Variants in DLGAP2 observed in about 807,000 individuals in gnomAD.
The protein encoded by DLGAP2 is disks large-associated protein 2.
In DLGAP2, 26 loss-of-function variants were observed where a neutral mutation model predicts 100.3. The ratio of observed to expected loss-of-function variants is 0.26; its 90% CI spans 0.19 to 0.36. The LOEUF is 0.36. Ranked by LOEUF, DLGAP2 falls within the 10% of genes least tolerant of loss-of-function variation. DLGAP2 has a pLI of 1.00. For missense variants in DLGAP2, 1,858 were observed against 1,453.2 expected, an observed-to-expected ratio of 1.28 and a Z score of -4.53; for synonymous variants, 886 against 630.1, an observed-to-expected ratio of 1.41 and a Z score of -6.08.
intron 9 of DLGAP2, among the ~76,000 whole-genome samples, chr8:1,669,379 T>C (rs543708200): frequency 6.6e-6 from 1 of 152,356 alleles, no homozygotes; most frequent in African/African-American, 2.4e-5. Context: ...AAGTCTGTTT[T>C]AGGTGCAGTG....
chr8:1,499,574 A>G (rs530783284), intron 3 of DLGAP2, among the ~76,000 whole-genome samples: 1 of 152,348 alleles, frequency 6.6e-6, no homozygotes, highest in Admixed American at 6.5e-5. Flanking sequence ...CATTTGGCAG[A>G]TGTATTTCAT....
chr8:1,028,893 C>T (rs1801894645), intron 2 of DLGAP2, among the ~76,000 whole-genome samples: 1 of 152,142 alleles, frequency 6.6e-6, no homozygotes. Flanking sequence ...ATGTGGAGGC[C>T]TCCACTGTGA....
At chr8:1,296,713 AAAG>A (rs1403501208) in intron 3 of DLGAP2, among the ~76,000 whole-genome samples, 2 of 152,222 alleles carry the variant, frequency 1.3e-5, no homozygotes, top group Non-Finnish European at 2.9e-5. Context: ...GGAGGCACTT[AAAG>A]CGTCAAAGGC....
intron 2 of DLGAP2, among the ~76,000 whole-genome samples, chr8:997,694 C>A (rs373707146): frequency 1.3e-5 from 2 of 152,082 alleles, no homozygotes; most frequent in Non-Finnish European, 1.5e-5. Context: ...TCTTTAAAAG[C>A]CTAAGAATAA....
chr8:1,180,060 T>C (rs537189075), intron 2 of DLGAP2, among the ~76,000 whole-genome samples: 111 of 152,354 alleles, frequency 7.3e-4, no homozygotes, highest in Non-Finnish European at 3.2e-4. Context: ...GGCAAAGAAT[T>C]GTTGAATGTT....
intron 2 of DLGAP2, among the ~76,000 whole-genome samples, chr8:1,217,946 G>A (rs1015650928): frequency 3.3e-5 from 5 of 151,956 alleles, no homozygotes; most frequent in Non-Finnish European, 7.4e-5. Flanking sequence ...TTTTTAATGG[G>A]GTTGTTTTTT....
intron 4 of DLGAP2, among the ~76,000 whole-genome samples, chr8:1,533,187 T>C (rs180745594): frequency 5.3e-5 from 8 of 152,258 alleles, no homozygotes; most frequent in Non-Finnish European, 7.3e-5. Flanking sequence ...TGTTGCCTAT[T>C]TATCATTTGA....
At chr8:1,391,398 G>A (rs756824439) in intron 3 of DLGAP2, among the ~76,000 whole-genome samples, 12 of 152,204 alleles carry the variant, frequency 7.9e-5, no homozygotes, top group Non-Finnish European at 1.6e-4. Context: ...GCAGAGGCAC[G>A]CGGCTTATCC....
chr8:1,027,352 C>T (rs1361339443), intron 2 of DLGAP2, among the ~76,000 whole-genome samples: 1 of 149,036 alleles, frequency 6.7e-6, no homozygotes, highest in Non-Finnish European at 1.5e-5. Context: ...GGTGTGGTAC[C>T]AGGTGCCCGT....
At chr8:1,223,602 G>A (rs4506245) in intron 2 of DLGAP2, among the ~76,000 whole-genome samples, 64,739 of 152,080 alleles carry the variant, frequency 0.43, 15,876 homozygotes, top group East Asian at 0.73. Flanking sequence ...ATGACATTAA[G>A]AATTGTAAGT....
intron 2 of DLGAP2, among the ~76,000 whole-genome samples, chr8:1,138,653 C>T (rs549658438): frequency 1.3e-4 from 20 of 152,380 alleles, no homozygotes; most frequent in African/African-American, 4.8e-4. Context: ...ATGTTGCTGG[C>T]CTCCCTCTCA....
In DLGAP2 at chr8:1,165,286, GGGGAGAGAGACA is replaced by G. The variant is rs918755716; in HGVS notation, c.74-93554_74-93543del. Among the ~76,000 whole-genome samples the G allele has an allele frequency of 1.2e-4, 18 of 151,830 alleles. No homozygotes were observed. The East Asian group carries it at 1.6e-3, about 13-fold the overall frequency. On this transcript the variant is annotated intron_variant, in intron 2 of 14. Coordinates refer to ENST00000637795, the MANE Select transcript of DLGAP2 (RefSeq NM_001346810.2). ...GAAGAAGGGAGACAGAGACAGAGAT[GGGGAGAGAGACA>G]GGGAGAGAGAGAGAGAGCACGCGCA...
chr8:1,048,423 G>T (rs1025993932), intron 2 of DLGAP2, among the ~76,000 whole-genome samples: 3 of 152,050 alleles, frequency 2.0e-5, no homozygotes, highest in African/African-American at 4.8e-5. Flanking sequence ...TCTAAAACCT[G>T]CCACCGGGTG....
At chr8:825,069 A>G (rs1177023974) in intron 1 of DLGAP2, among the ~76,000 whole-genome samples, 1 of 152,136 alleles carries the variant, frequency 6.6e-6, no homozygotes, top group Non-Finnish European at 1.5e-5. Flanking sequence ...ATCCTGCAGG[A>G]GCCGGCTTGA....
At chr8:956,119 T>A (rs1429626780) in intron 2 of DLGAP2, among the ~76,000 whole-genome samples, 1 of 152,200 alleles carries the variant, frequency 6.6e-6, no homozygotes, top group Non-Finnish European at 1.5e-5. Context: ...ACCAAGCACA[T>A]TGTATAAAGC....
intron 3 of DLGAP2, among the ~76,000 whole-genome samples, chr8:1,260,599 T>A (rs1231159850): frequency 1.3e-5 from 2 of 151,444 alleles, no homozygotes; most frequent in Non-Finnish European, 2.9e-5. Flanking sequence ...CAGGGATGGA[T>A]ATTGGATGAT....
chr8:1,656,862 A>C (rs1461147109), intron 8 of DLGAP2, among the ~76,000 whole-genome samples: 1 of 152,224 alleles, frequency 6.6e-6, no homozygotes, highest in East Asian at 1.9e-4. Flanking sequence ...TTCTGATCAC[A>C]ACCCCATTAT....
At chr8:947,577 CCTGCCAGT>C (rs1465019250) in intron 2 of DLGAP2, among the ~76,000 whole-genome samples, 26 of 152,296 alleles carry the variant, frequency 1.7e-4, no homozygotes, top group Non-Finnish European at 2.8e-4. Flanking sequence ...CCTCGGTGTG[CCTGCCAGT>C]CTCACACCAA....
intron 2 of DLGAP2, among the ~76,000 whole-genome samples, chr8:1,236,364 C>T (rs866618785): frequency 7.1e-4 from 34 of 48,020 alleles, no homozygotes; most frequent in African/African-American, 3.2e-3. Context: ...TCTCCCATGG[C>T]GCCGTGTCTA....
Sources: gnomAD v4.1 joint callset for allele counts (sites outside exome capture counted in the v4.1 genomes callset) on GRCh38, gnomAD v4.1.1 for gene constraint, MANE v1.5 for transcripts, NCBI Gene and HGNC (gene_info 2026-07-23, HGNC 2026-07-21) for gene names.